The following PPP3CA variants were observed in gnomAD, a reference collection of about 807,000 sequenced individuals.
PPP3CA encodes CAM-PRP catalytic subunit.
Under a neutral mutation model 66.5 loss-of-function variants are expected in PPP3CA, and 14 were observed. The ratio of observed to expected loss-of-function variants is 0.21; its 90% CI spans 0.14 to 0.33. PPP3CA has a LOEUF of 0.33. Among genes scored for constraint, PPP3CA ranks in the 10% least tolerant of loss-of-function variants. The probability of loss-of-function intolerance (pLI) is 1.00; values close to 1 mark genes in which losing one functional copy is unlikely to be tolerated. For synonymous variants in PPP3CA, 232 were observed against 226.2 expected (o/e 1.03, Z -0.23); for missense variants, 317 against 639.5 (o/e 0.50, Z 5.44).
intron 1 of PPP3CA, among the ~76,000 whole-genome samples, chr4:101,246,210 A>C (rs1215711527): frequency 6.6e-6 from 1 of 152,220 alleles, no homozygotes; most frequent in Non-Finnish European, 1.5e-5. Context: ...AGTAGGGACT[A>C]AATGAATGTG....
At chr4:101,338,919 C>T (rs1314040754) in intron 1 of PPP3CA, among the ~76,000 whole-genome samples, 1 of 152,228 alleles carries the variant, frequency 6.6e-6, no homozygotes, top group African/African-American at 2.4e-5. Context: ...CAGGTTCCAT[C>T]TTTTTAAGAA....
intron 1 of PPP3CA, among the ~76,000 whole-genome samples, chr4:101,289,151 CAAAAG>C (rs141378264): frequency 0.011 from 1,627 of 152,170 alleles, 21 homozygotes; most frequent in Middle Eastern, 0.031. Context: ...AAAATATACT[CAAAAG>C]AAAAGTTACA....
chr4:101,177,089 G>A (rs1325359416), intron 2 of PPP3CA, among the ~76,000 whole-genome samples: 2 of 152,192 alleles, frequency 1.3e-5, no homozygotes, highest in East Asian at 1.9e-4. Context: ...TTACGTTAAC[G>A]ACAGAAATCA....
intron 3 of PPP3CA, among the ~76,000 whole-genome samples, chr4:101,104,460 T>C (rs528127565): frequency 1.0e-3 from 154 of 152,048 alleles, no homozygotes; most frequent in African/African-American, 3.3e-3. Context: ...ACTGATTTTT[T>C]TTTTTCGTGG....
chr4:101,271,096 TCACA>T (rs1360243782), intron 1 of PPP3CA, among the ~76,000 whole-genome samples: 11 of 152,052 alleles, frequency 7.2e-5, no homozygotes. Flanking sequence ...AGAGTTCACA[TCACA>T]CACAGAAACT....
chr4:101,107,333 A>C (rs920310233), intron 3 of PPP3CA, among the ~76,000 whole-genome samples: 1 of 152,188 alleles, frequency 6.6e-6, no homozygotes, highest in Non-Finnish European at 1.5e-5. Context: ...TCTGATTCTA[A>C]ACAGATTTTT....
chr4:101,214,694 A>G (rs1387953794), intron 1 of PPP3CA, among the ~76,000 whole-genome samples: 2 of 152,112 alleles, frequency 1.3e-5, no homozygotes, highest in South Asian at 4.1e-4. Context: ...AATGTGTTCT[A>G]AGGAGTCATT....
intron 1 of PPP3CA, among the ~76,000 whole-genome samples, chr4:101,236,933 A>G (rs1458838168): frequency 6.6e-6 from 1 of 151,374 alleles, no homozygotes; most frequent in African/African-American, 2.4e-5. Flanking sequence ...TTCATCTGTA[A>G]AATGGCGATA....
intron 2 of PPP3CA, among the ~76,000 whole-genome samples, chr4:101,194,238 AATCTCTCTAG>A (rs1724715241): frequency 6.6e-6 from 1 of 152,220 alleles, no homozygotes; most frequent in South Asian, 2.1e-4. Context: ...AAATAATGTC[AATCTCTCTAG>A]AATGGGAATC....
At chr4:101,069,299 G>A (rs781688392) in intron 8 of PPP3CA, among the ~76,000 whole-genome samples, 10 of 152,050 alleles carry the variant, frequency 6.6e-5, no homozygotes, top group Non-Finnish European at 1.0e-4. Context: ...ATTATTTTGT[G>A]TGTATCAAGG....
intron 2 of PPP3CA, among the ~76,000 whole-genome samples, chr4:101,159,752 T>G (rs552851259): frequency 6.6e-6 from 1 of 152,258 alleles, no homozygotes; most frequent in South Asian, 2.1e-4. Flanking sequence ...TATAACAGGA[T>G]TGCAAAATAC....
chr4:101,076,724 T>C (rs192641529), intron 8 of PPP3CA, among the ~76,000 whole-genome samples: 27 of 152,324 alleles, frequency 1.8e-4, no homozygotes, highest in African/African-American at 6.3e-4. Flanking sequence ...TTCAGGCATA[T>C]AGTGAAATTA....
intron 2 of PPP3CA, among the ~76,000 whole-genome samples, chr4:101,191,772 A>G (rs1724610585): frequency 6.6e-6 from 1 of 152,194 alleles, no homozygotes; most frequent in African/African-American, 2.4e-5. Context: ...AAGGACTGCC[A>G]TGACCTTAAA....
chr4:101,048,975 T>G (rs991371689), intron 10 of PPP3CA, among the ~76,000 whole-genome samples: 2 of 152,070 alleles, frequency 1.3e-5, no homozygotes, highest in African/African-American at 4.8e-5. Flanking sequence ...GTTCAATGGA[T>G]TTTAAGGAAG....
chr4:101,087,602 G>A (rs1453990337), intron 6 of PPP3CA, among the ~76,000 whole-genome samples: 1 of 151,922 alleles, frequency 6.6e-6, no homozygotes, highest in African/African-American at 2.4e-5. Context: ...TCTTTCACTC[G>A]TCATTATGCT....
chr4:101,138,457 C>A (rs910522030), intron 2 of PPP3CA, among the ~76,000 whole-genome samples: 7 of 152,172 alleles, frequency 4.6e-5, no homozygotes, highest in Admixed American at 2.0e-4. Context: ...GCTATTATTA[C>A]AGGTCAATTA....
intron 8 of PPP3CA, among the ~76,000 whole-genome samples, chr4:101,065,535 A>G (rs1728644228): frequency 6.6e-6 from 1 of 152,104 alleles, no homozygotes; most frequent in African/African-American, 2.4e-5. Flanking sequence ...AGCAGGTGTG[A>G]CTGCCCTTAT....
At chr4:101,051,023 C>T (rs1727985220) in intron 10 of PPP3CA, among the ~76,000 whole-genome samples, 1 of 152,110 alleles carries the variant, frequency 6.6e-6, no homozygotes, top group African/African-American at 2.4e-5. Context: ...GGCAAACACA[C>T]TTGGAGACAA....
chr4:101,106,372 G>GA (rs201127309), intron 3 of PPP3CA, among the ~76,000 whole-genome samples: 2 of 48,922 alleles, frequency 4.1e-5, no homozygotes, highest in East Asian at 9.6e-4. Flanking sequence ...TTAAAAGAGA[G>GA]AAAAGAAAGA....
Sources: allele counts gnomAD v4.1 joint callset (sites outside exome capture counted in the v4.1 genomes callset), GRCh38; gene constraint gnomAD v4.1.1; transcripts MANE v1.5; gene names NCBI Gene and HGNC (gene_info 2026-07-23, HGNC 2026-07-21).